The following INO80 variants were observed in gnomAD, a reference collection of about 807,000 sequenced individuals.
INO80 encodes INO80 complex ATPase subunit.
A neutral mutation model predicts 203.4 loss-of-function variants in INO80; 20 were observed. The observed-to-expected ratio is 0.10, with a 90% confidence interval of 0.07 to 0.14. INO80 has a LOEUF of 0.14. Ranked by LOEUF, INO80 falls within the 10% of genes least tolerant of loss-of-function variation. INO80 has a pLI of 1.00. For synonymous variants in INO80, 726 were observed against 685.2 expected (o/e 1.06, Z -0.93); for missense variants, 1,419 against 1,914.4 (o/e 0.74, Z 4.83).
rs191970795 is a variant in INO80 at position 41,106,120 on chromosome 15, G to A, written c.-43-9767C>T. Among the ~76,000 whole-genome samples the A allele has an allele frequency of 2.9e-3, 446 of 152,082 alleles. 3 individuals carry two copies. Among genetic ancestry groups the A allele is most frequent in the South Asian group, 0.019 (93 of 4,818 alleles). On this transcript the variant is annotated intron_variant, in intron 1 of 35. Transcript: ENST00000648947. ...TAAAAATAGAAAACTTTGGCCAACCGCAGTGACTCATGCCTGTAATGCCAG... is the reference window on the plus strand; with the variant it reads ...TAAAAATAGAAAACTTTGGCCAACCACAGTGACTCATGCCTGTAATGCCAG...
Position 40,980,236 on chromosome 15 carries a change from G to A in INO80, c.4658C>T (p.Ser1553Phe), listed in dbSNP as rs754639808. 6.2e-7 allele frequency: 1 copy of A among 1,612,844 alleles called. No individual in the cohort carries two copies. The highest frequency in any genetic ancestry group is 8.5e-7 in the Non-Finnish European group (1 of 1,179,980). The part of the protein sequence containing the change: ...VRKQGKGTNP[S>F]GGR The stretch of plus-strand genomic sequence containing the variant: ...GGGCCCAGATGGTTACCGTCCTCCA[G>A]AGGGGTTGGTGCCTTTGCCCTGTTT... The change falls in exon 36 of 36, where the codon TCT (serine) becomes TTT (phenylalanine). Residue 1553 changes from serine to phenylalanine, a missense_variant. Physicochemically the swap from Ser to Phe is radical, Grantham distance 155. Coordinates refer to ENST00000648947, the MANE Select transcript of INO80 (RefSeq NM_017553.3).
chr15:41,028,824 C>G (rs1010722357), intron 24 of INO80, among the ~76,000 whole-genome samples: 8 of 152,110 alleles, frequency 5.3e-5, no homozygotes, highest in African/African-American at 1.9e-4. Context: ...CCATTGCACT[C>G]CAGCTGGGTG....
At position 41,047,410 on chromosome 15, in the gene INO80, G is replaced by A; in HGVS notation, c.2733C>T (p.Ala911=). 6.2e-7 allele frequency: 1 copy of A among 1,610,904 alleles called. No homozygotes were observed. Among genetic ancestry groups the A allele is most frequent in the Admixed American group, 1.7e-5 (1 of 59,834 alleles). ...MANLMLQGLL[A]RWLALFLSLK... ...CAAGCAATAAGCAAACCTCTCACCTGGCCAAAAGTCCCTGAAGCATAAGGT... is the reference window on the plus strand; with the variant it reads ...CAAGCAATAAGCAAACCTCTCACCTAGCCAAAAGTCCCTGAAGCATAAGGT... Residue 911 remains alanine, a splice_region_variant and synonymous_variant, in exon 23 of 36, where the codon GCC becomes GCT. Coordinates refer to ENST00000648947, the MANE Select transcript of INO80 (RefSeq NM_017553.3).
chr15:41,115,735 G>A (rs966511281), intron 1 of INO80, among the ~76,000 whole-genome samples: 2 of 152,164 alleles, frequency 1.3e-5, no homozygotes, highest in African/African-American at 4.8e-5. Context: ...GGTGGCTGAG[G>A]TCACCGCATG....
chr15:41,066,082 G>A (rs796156961), intron 14 of INO80, among the ~76,000 whole-genome samples: 44 of 150,398 alleles, frequency 2.9e-4, no homozygotes, highest in African/African-American at 1.1e-3. Context: ...GGGTTCAAGC[G>A]ATTCTCCTGC....
In INO80 at chr15:41,087,620, T is replaced by C. The variant is rs191990362; in HGVS notation, c.600A>G (p.Gln200=). The change falls in exon 6 of 36, where the codon CAA becomes CAG. Residue 200 remains glutamine (Q), a synonymous_variant. Transcript: ENST00000648947. ...LLSTYDPFYE[Q]QRHLLGPKKK... is the part of the protein sequence containing the mutation. Reference sequence around the variant, plus strand: ...TCTTGGGTCCAAGTAGGTGCCGTTGTTGCTCATAGAAAGGGTCATATGTGG... The same window carrying C: ...TCTTGGGTCCAAGTAGGTGCCGTTGCTGCTCATAGAAAGGGTCATATGTGG... 3 of 1,614,024 alleles carry C rather than the reference T, an allele frequency of 1.9e-6. No homozygotes were observed. In the African/African-American group the frequency reaches 4.0e-5, roughly 22 times the overall value.
intron 28 of INO80, 172 bp downstream of exon 28, chr15:41,005,421 T>A: frequency 3.6e-6 from 2 of 548,362 alleles, no homozygotes; most frequent in Non-Finnish European, 6.4e-6. Flanking sequence ...CCCAGACACA[T>A]AGATCTGAAT....
At chr15:41,069,895 T>C (rs1004300868) in intron 13 of INO80, among the ~76,000 whole-genome samples, 3 of 152,356 alleles carry the variant, frequency 2.0e-5, no homozygotes, top group Admixed American at 6.5e-5. Flanking sequence ...TGACCTCTTA[T>C]AGGTCTTATC....
At chr15:40,993,777 T>TAAATAAAAAG (rs112726249) in intron 29 of INO80, among the ~76,000 whole-genome samples, 143 of 151,406 alleles carry the variant, frequency 9.4e-4, no homozygotes, top group African/African-American at 2.8e-3. Context: ...AATAAATAAA[T>TAAATAAAAAG]AAAAAGAAAA....
Position 41,092,173 on chromosome 15 carries a change from G to C in INO80, c.391C>G (p.Leu131Val). The C allele has an allele frequency of 6.3e-7, 1 of 1,595,092 alleles. No homozygotes were observed. The highest frequency in any genetic ancestry group is 1.1e-5 in the South Asian group (1 of 89,978). ...KSRKWLKSIL[L>V]SDESSEADSQ... ...TCAGCCTCGCTGGATTCATCACTTAGCAGAATGCTCTGAAAAGGGTGAAAA... is the reference window on the plus strand; with the variant it reads ...TCAGCCTCGCTGGATTCATCACTTACCAGAATGCTCTGAAAAGGGTGAAAA... The change falls in exon 5 of 36, where the codon CTA becomes GTA. Residue 131 changes from leucine (L) to valine (V), a missense_variant. Around this residue, in one of 9 missense-constraint regions of INO80, gnomAD observed 323 missense variants for 325.4 expected, o/e 0.99. Transcript: ENST00000648947.
chr15:41,013,104 C>CAACAACAACAACCACA, intron 27 of INO80: 1 of 150,524 alleles, frequency 6.6e-6, no homozygotes, highest in Non-Finnish European at 1.5e-5. Flanking sequence ...CAACAACAAC[C>CAACAACAACAACCACA]ACCACAACAA....
chr15:40,998,485 T>A (rs565280273), intron 28 of INO80, among the ~76,000 whole-genome samples: 1 of 152,278 alleles, frequency 6.6e-6, no homozygotes, highest in Admixed American at 6.5e-5. Flanking sequence ...ACCCCTTACA[T>A]ACAAATGATT....
At chr15:40,982,273 A>G (rs1000465068) in intron 35 of INO80, among the ~76,000 whole-genome samples, 1 of 152,186 alleles carries the variant, frequency 6.6e-6, no homozygotes, top group Admixed American at 6.5e-5. Context: ...CAGCCTCCCA[A>G]GTAGCTGGGA....
chr15:41,097,175 A>C (rs1298892933), intron 1 of INO80, among the ~76,000 whole-genome samples: 1 of 152,118 alleles, frequency 6.6e-6, no homozygotes, highest in South Asian at 2.1e-4. Context: ...CCTCCTGAGT[A>C]GCTGGGATTA....
At chr15:40,987,752 A>T (rs2043760185) in intron 30 of INO80, 64 bp downstream of exon 30, 2 of 1,427,778 alleles carry the variant, frequency 1.4e-6, no homozygotes, top group South Asian at 1.2e-5. Flanking sequence ...GTCTCAATGC[A>T]GTCAATGTGG....
intron 1 of INO80, among the ~76,000 whole-genome samples, chr15:41,112,962 C>G (rs948691114): frequency 6.6e-6 from 1 of 151,822 alleles, no homozygotes; most frequent in Non-Finnish European, 1.5e-5. Context: ...GTCGCCCAGG[C>G]TGGAGTGCAG....
intron 4 of INO80, among the ~76,000 whole-genome samples, chr15:41,094,316 G>C (rs2045688189): frequency 6.6e-6 from 1 of 152,136 alleles, no homozygotes; most frequent in Non-Finnish European, 1.5e-5. Flanking sequence ...AGCCATATTA[G>C]ACTTCTTTTT....
rs1164876893 is a variant in INO80, at chr15:41,031,589, GGGAGGGAGGGAGGGAGGAAGGGA to G, written c.2908-3876_2908-3854del. ...AGGGAGGAAGGGAGGAAGGGAGGAA[GGGAGGGAGGGAGGGAGGAAGGGA>G]GGAGGGAGGAAGGGAGGAAGGGAGG... On this transcript the variant is annotated intron_variant, in intron 24 of 35. Transcript: ENST00000648947. 8.3e-4 allele frequency among the ~76,000 whole-genome samples: 8 copies of G among 9,632 alleles called. 2 individuals carry two copies. The highest frequency in any genetic ancestry group is 1.9e-3 in the Non-Finnish European group (6 of 3,132). 6.3% of individuals were successfully genotyped at this position (9,632 alleles called of 152,430 possible).
chr15:41,113,459 A>G (rs2045985773), intron 1 of INO80, among the ~76,000 whole-genome samples: 1 of 151,560 alleles, frequency 6.6e-6, no homozygotes, highest in Non-Finnish European at 1.5e-5. Context: ...GTAGAGTCAG[A>G]GTTTAACCAT....
Sources: gnomAD v4.1 joint callset for allele counts (sites outside exome capture counted in the v4.1 genomes callset) on GRCh38, gnomAD v4.1.1 for gene constraint, gnomAD v4.1.1 regional missense constraint, MANE v1.5 for transcripts, NCBI Gene and HGNC (gene_info 2026-07-23, HGNC 2026-07-21) for gene names.